Variants in DGLUCY observed in about 807,000 individuals in gnomAD.
The protein encoded by DGLUCY is D-glutamate cyclase, mitochondrial.
Under a neutral mutation model 58.5 loss-of-function variants are expected in DGLUCY, and 58 were observed. The observed-to-expected ratio is 0.99, with a 90% CI of 0.80 to 1.23. The LOEUF (loss-of-function observed/expected upper bound fraction) is 1.23, where lower values mean the gene tolerates loss of function less well. DGLUCY is among the 50% of genes most tolerant of loss of function. The pLI is 0.00. For synonymous variants in DGLUCY, 325 were observed against 314.1 expected (o/e 1.03, Z -0.37); for missense variants, 779 against 784.7 (o/e 0.99, Z 0.09).
At chr14:91,087,016 T>C (rs1253210624) in intron 1 of DGLUCY, among the ~76,000 whole-genome samples, 2 of 152,100 alleles carry the variant, frequency 1.3e-5, no homozygotes, top group Non-Finnish European at 2.9e-5. Flanking sequence ...GACCGCAGGG[T>C]CCAAATCAGG....
intron 1 of DGLUCY, among the ~76,000 whole-genome samples, chr14:91,093,039 G>T (rs554778947): frequency 6.6e-6 from 1 of 150,452 alleles, no homozygotes; most frequent in African/African-American, 2.5e-5. Context: ...AGCCAAGATC[G>T]TGCCACTGCA....
At chr14:91,181,833 G>A (rs1250286379) in intron 8 of DGLUCY, among the ~76,000 whole-genome samples, 2 of 151,734 alleles carry the variant, frequency 1.3e-5, no homozygotes, top group Non-Finnish European at 2.9e-5. Context: ...TTTTAGCAGA[G>A]ACAGGATTTC....
chr14:91,162,958 T>C (rs2048074996), intron 3 of DGLUCY, among the ~76,000 whole-genome samples: 1 of 150,660 alleles, frequency 6.6e-6, no homozygotes, highest in Non-Finnish European at 1.5e-5. Context: ...TGATTTATTG[T>C]ATTAAAGATA....
intron 1 of DGLUCY, among the ~76,000 whole-genome samples, chr14:91,066,607 A>G (rs1376656990): frequency 1.3e-5 from 2 of 152,134 alleles, no homozygotes; most frequent in Admixed American, 6.5e-5. Flanking sequence ...CAGCCCGGGC[A>G]CATAGCATGA....
At position 91,069,900 on chromosome 14, in the gene DGLUCY, C is replaced by T. The variant is rs183270964; in HGVS notation, c.-82+9196C>T. Among the ~76,000 whole-genome samples the T allele has an allele frequency of 5.7e-3, 862 of 151,614 alleles. 4 individuals are homozygous for T. The highest frequency in any genetic ancestry group is 0.014 in the Admixed American group (206 of 15,224). On this transcript the variant is annotated intron_variant, in intron 1 of 4. Transcript: ENST00000521334. Reference sequence around the variant, plus strand: ...GGTTCAAGTGATTCTCCTGCCTCAGCCTCCCAAGTAGCTGGGATTACAGGT... The same window carrying T: ...GGTTCAAGTGATTCTCCTGCCTCAGTCTCCCAAGTAGCTGGGATTACAGGT...
intron 7 of DGLUCY, among the ~76,000 whole-genome samples, chr14:91,177,616 T>C (rs1595847949): frequency 6.6e-6 from 1 of 152,208 alleles, no homozygotes; most frequent in Non-Finnish European, 1.5e-5. Flanking sequence ...TTGCAGACCA[T>C]GGTCATGGAC....
chr14:91,201,723 C>T (rs2050574636), intron 11 of DGLUCY, among the ~76,000 whole-genome samples: 1 of 152,162 alleles, frequency 6.6e-6, no homozygotes, highest in East Asian at 1.9e-4. Context: ...CAATTACAGG[C>T]ATGAGCCACT....
At chr14:91,206,093 G>A (rs1884647766) in intron 12 of DGLUCY, among the ~76,000 whole-genome samples, 1 of 151,828 alleles carries the variant, frequency 6.6e-6, no homozygotes, top group Non-Finnish European at 1.5e-5. Flanking sequence ...GCCCACCTTG[G>A]CCTCCCAAAG....
chr14:91,162,910 A>G (rs2048072169), intron 3 of DGLUCY, among the ~76,000 whole-genome samples: 1 of 151,236 alleles, frequency 6.6e-6, no homozygotes. Flanking sequence ...GAAAAAAAAA[A>G]AAAAAGGAAA....
intron 1 of DGLUCY, chr14:91,114,915 A>G (rs2044821139): frequency 6.6e-6 from 1 of 152,328 alleles, no homozygotes; most frequent in South Asian, 2.1e-4. Context: ...CTCTGGGAGC[A>G]TCAACACCAA....
chr14:91,156,441 A>C (rs1438408080), intron 1 of DGLUCY, among the ~76,000 whole-genome samples: 3 of 152,210 alleles, frequency 2.0e-5, no homozygotes, highest in Non-Finnish European at 4.4e-5. Flanking sequence ...TTTTACAAAC[A>C]GTGCTGCTGT....
chr14:91,176,892 G>A (rs374689293), intron 7 of DGLUCY, among the ~76,000 whole-genome samples: 7 of 152,208 alleles, frequency 4.6e-5, no homozygotes, highest in South Asian at 2.1e-4. Context: ...ATGAGCCACC[G>A]TGTCCAGCCT....
Position 91,215,438 on chromosome 14 carries a change from G to C in DGLUCY, c.1598G>C (p.Cys533Ser), listed in dbSNP as rs775028364. The change falls in exon 13 of 14, where the codon TGC (cysteine) becomes TCC (serine). Residue 533 changes from cysteine to serine, a missense_variant. Physicochemically the swap from Cys to Ser is moderately radical, Grantham distance 112. Coordinates refer to ENST00000256324, the MANE Select transcript of DGLUCY (RefSeq NM_001102368.3). ...AACTGGGGAGGCTATGCCCTGGCCT[G>C]CGCACTCTACATCCTGTACTCATGT... Reference protein sequence around the residue: ...VSNWGGYALACALYILYSCAV... With the variant: ...VSNWGGYALASALYILYSCAV... 10 of 1,613,886 alleles carry C rather than the reference G, an allele frequency of 6.2e-6. No individual in the cohort carries two copies. Among genetic ancestry groups the C allele is most frequent in the African/African-American group, 4.0e-5 (3 of 75,054 alleles).
upstream of DGLUCY, among the ~76,000 whole-genome samples, chr14:91,111,574 C>T (rs1448578314): frequency 3.3e-5 from 5 of 152,128 alleles, no homozygotes; most frequent in East Asian, 5.8e-4. Context: ...AGTCACTGTG[C>T]CCAGCCTTTA....
intron 1 of DGLUCY, among the ~76,000 whole-genome samples, chr14:91,148,321 C>T (rs1375273010): frequency 1.3e-5 from 2 of 151,612 alleles, no homozygotes; most frequent in Non-Finnish European, 2.9e-5. Flanking sequence ...ATTCCTACCT[C>T]AGCCTCCCAA....
At chr14:91,063,845 T>C (rs2043773670) in intron 1 of DGLUCY, among the ~76,000 whole-genome samples, 1 of 152,214 alleles carries the variant, frequency 6.6e-6, no homozygotes, top group African/African-American at 2.4e-5. Flanking sequence ...AACACAGGAA[T>C]GATATAATCG....
At chr14:91,143,376 T>C (rs964210961) in intron 1 of DGLUCY, among the ~76,000 whole-genome samples, 10 of 152,156 alleles carry the variant, frequency 6.6e-5, no homozygotes, top group African/African-American at 2.4e-4. Flanking sequence ...ATTACAGGCA[T>C]GAGCCACCGC....
At chr14:91,161,766 C>T (rs548834733) in intron 3 of DGLUCY, among the ~76,000 whole-genome samples, 6 of 150,726 alleles carry the variant, frequency 4.0e-5, no homozygotes, top group Non-Finnish European at 8.8e-5. Context: ...TACTGGGGAG[C>T]ATAGTTTATA....
chr14:91,184,074 A>G (rs771955011), intron 8 of DGLUCY, among the ~76,000 whole-genome samples: 13 of 151,992 alleles, frequency 8.6e-5, no homozygotes, highest in Non-Finnish European at 1.5e-4. Flanking sequence ...ACCTGCATCA[A>G]TGGTGGCCGA....
Sources: allele counts gnomAD v4.1 joint callset (sites outside exome capture counted in the v4.1 genomes callset), GRCh38; gene constraint gnomAD v4.1.1; transcripts MANE v1.5; gene names NCBI Gene and HGNC (gene_info 2026-07-23, HGNC 2026-07-21).